The following CDH13 variants were observed in gnomAD, a reference collection of about 807,000 sequenced individuals.
The protein encoded by CDH13 is cadherin 13, also known as cadherin-13.
CDH13 carries 24 observed loss-of-function variants against 63.8 expected under a neutral mutation model. The observed-to-expected ratio is 0.38, with a 90% CI of 0.27 to 0.53. The LOEUF is 0.53. Ranked by LOEUF, CDH13 falls within the 20% of genes least tolerant of loss-of-function variation. CDH13 has a pLI of 0.85. For synonymous variants in CDH13, 503 were observed against 355.3 expected (o/e 1.42, Z -4.67); for missense variants, 1,049 against 903.1 (o/e 1.16, Z -2.07).
chr16:83,649,551 G>T (rs1056922908), intron 8 of CDH13, among the ~76,000 whole-genome samples: 1 of 152,144 alleles, frequency 6.6e-6, no homozygotes, highest in Non-Finnish European at 1.5e-5. Context: ...AAGTTGATGT[G>T]CAGGGAAGGA....
rs375394179 is a variant in CDH13, at chr16:83,158,639, C to T, written c.483+33138C>T. Among the ~76,000 whole-genome samples the T allele has an allele frequency of 5.9e-5, 9 of 152,332 alleles. No individual in the cohort carries two copies. In the East Asian group the frequency reaches 1.4e-3, roughly 23 times the overall value. On this transcript the variant is annotated intron_variant, in intron 4 of 13. Coordinates refer to ENST00000567109, the MANE Select transcript of CDH13 (RefSeq NM_001257.5). The stretch of plus-strand genomic sequence containing the variant: ...GCGTTGGGGTCATAAGGCCACAGGC[C>T]GGGGACTGCTGCAGAGCCACGTTAA...
At chr16:83,739,940 A>G (rs1202723367) in intron 10 of CDH13, 1 of 152,274 alleles carries the variant, frequency 6.6e-6, no homozygotes, top group East Asian at 1.9e-4. Flanking sequence ...AGAGCTGGCC[A>G]GGGAAGGAGG....
chr16:83,133,736 T>G (rs1190532251), intron 4 of CDH13, among the ~76,000 whole-genome samples: 1 of 152,190 alleles, frequency 6.6e-6, no homozygotes, highest in Non-Finnish European at 1.5e-5. Flanking sequence ...TGGCCTCAAG[T>G]GATCCACCTG....
chr16:83,365,962 C>A (rs2091250402), intron 6 of CDH13, among the ~76,000 whole-genome samples: 1 of 152,140 alleles, frequency 6.6e-6, no homozygotes, highest in Non-Finnish European at 1.5e-5. Flanking sequence ...CTTATGAGCC[C>A]CTAAGCAGGA....
At chr16:83,128,298 C>G (rs2035899549) in intron 4 of CDH13, among the ~76,000 whole-genome samples, 1 of 152,166 alleles carries the variant, frequency 6.6e-6, no homozygotes, top group South Asian at 2.1e-4. Context: ...GGTTGTGGAC[C>G]AGCTACATTA....
At chr16:83,009,386 A>G (rs1180647856) in intron 2 of CDH13, among the ~76,000 whole-genome samples, 2 of 152,150 alleles carry the variant, frequency 1.3e-5, no homozygotes, top group Non-Finnish European at 2.9e-5. Flanking sequence ...ACTGTGGTTG[A>G]GTTTGTTATT....
In CDH13 at chr16:83,796,922, T is replaced by G. The variant is rs1781778201; in HGVS notation, c.*1892T>G. The G allele has an allele frequency of 6.6e-6, 1 of 152,114 alleles. No homozygotes were observed. The highest frequency in any genetic ancestry group is 2.4e-5 in the African/African-American group (1 of 41,398). The allele number at this position is 152,114 out of a possible 1,614,324, so 9.4% of individuals were successfully genotyped here. On this transcript the variant is annotated 3_prime_UTR_variant, in exon 14 of 14. Transcript: ENST00000567109. ...TGTCAACAGTCCCAAGACCTGGGGA[T>G]TTTTCTCTGGAACAAATCCTGTTGC... is the stretch of plus-strand genomic sequence containing the variant.
At chr16:83,202,767 A>G (rs1395905495) in intron 4 of CDH13, among the ~76,000 whole-genome samples, 1 of 152,224 alleles carries the variant, frequency 6.6e-6, no homozygotes, top group African/African-American at 2.4e-5. Context: ...CAGGTTCATA[A>G]TGCTGATTTT....
chr16:82,721,755 A>G (rs150565639), intron 1 of CDH13, among the ~76,000 whole-genome samples: 123 of 152,310 alleles, frequency 8.1e-4, no homozygotes, highest in Admixed American at 2.1e-3. Flanking sequence ...CAAAGCCATT[A>G]GGAATTGTAG....
At chr16:82,655,838 G>C (rs564439397) in intron 1 of CDH13, among the ~76,000 whole-genome samples, 1 of 152,022 alleles carries the variant, frequency 6.6e-6, no homozygotes, top group Non-Finnish European at 1.5e-5. Context: ...AGGCAAGGTC[G>C]CCCAGATAGG....
chr16:83,613,840 A>C (rs200872012), intron 8 of CDH13, among the ~76,000 whole-genome samples: 1 of 151,878 alleles, frequency 6.6e-6, no homozygotes, highest in African/African-American at 2.4e-5. Context: ...CTCAAAAAAA[A>C]TTTTTTTTAA....
In CDH13 at chr16:83,243,385, C is replaced by A. The variant is rs148752270; in HGVS notation, c.636+25888C>A. 7.9e-5 allele frequency among the ~76,000 whole-genome samples: 12 copies of A among 152,246 alleles called. No homozygotes were observed. In the East Asian group the frequency reaches 2.1e-3, roughly 27 times the overall value. Reference sequence around the variant, plus strand: ...GAGAGAACTTGTGCAGGAAATTTCCCTTTATAAAAGCATCAGATCTCATGA... The same window carrying A: ...GAGAGAACTTGTGCAGGAAATTTCCATTTATAAAAGCATCAGATCTCATGA... On this transcript the variant is annotated intron_variant, in intron 5 of 13. Coordinates refer to ENST00000567109, the MANE Select transcript of CDH13 (RefSeq NM_001257.5).
At position 83,137,930 on chromosome 16, in the gene CDH13, T is replaced by C. The variant is rs138040006; in HGVS notation, c.483+12429T>C. On this transcript the variant is annotated intron_variant, in intron 4 of 13. Transcript: ENST00000567109. ...AACTTCTTTTATTTTCTTTTCCGGC[T>C]TGGAGCTAGCTCTGGTTCCCAAATA... Among the ~76,000 whole-genome samples, 1,300 of 152,162 alleles carry C rather than the reference T, an allele frequency of 8.5e-3. 16 individuals are homozygous for C. Among genetic ancestry groups the C allele is most frequent in the African/African-American group, 0.027 (1,109 of 41,522 alleles).
intron 8 of CDH13, among the ~76,000 whole-genome samples, chr16:83,648,149 G>T (rs1011608035): frequency 4.6e-5 from 7 of 152,230 alleles, no homozygotes; most frequent in African/African-American, 1.7e-4. Context: ...GCCATACCTT[G>T]GAAGGACCAA....
At chr16:83,443,537 G>A (rs570984816) in intron 6 of CDH13, among the ~76,000 whole-genome samples, 159 of 151,926 alleles carry the variant, frequency 1.0e-3, no homozygotes, top group Non-Finnish European at 1.8e-3. Context: ...AGGAATTCAA[G>A]ATTATCATGT....
intron 7 of CDH13, among the ~76,000 whole-genome samples, chr16:83,527,250 C>A (rs758640712): frequency 5.9e-5 from 9 of 151,992 alleles, no homozygotes; most frequent in Non-Finnish European, 1.2e-4. Flanking sequence ...GAGATGGAGA[C>A]CATCCTAGCC....
chr16:83,764,659 CCT>C lies in CDH13; in HGVS notation c.1682-15308_1682-15307del, dbSNP rs1185610534. 5.1e-4 allele frequency among the ~76,000 whole-genome samples: 77 copies of C among 150,826 alleles called. 1 individual carries two copies. The highest frequency in any genetic ancestry group is 4.0e-3 in the Admixed American group (61 of 15,070). ...TGAAGTCAGCCCTTTACTCTTGCATCCTGCCTGCCTTCCCTGAGGCCCTTGCC... is the reference window on the plus strand; with the variant it reads ...TGAAGTCAGCCCTTTACTCTTGCATCGCCTGCCTTCCCTGAGGCCCTTGCC... On this transcript the variant is annotated intron_variant, in intron 11 of 13. Transcript: ENST00000567109.
intron 6 of CDH13, among the ~76,000 whole-genome samples, chr16:83,444,114 T>C (rs1419855509): frequency 7.0e-6 from 1 of 143,758 alleles, no homozygotes; most frequent in Non-Finnish European, 1.6e-5. Flanking sequence ...ATGGTGAAGA[T>C]ACCAATAGCA....
intron 4 of CDH13, chr16:83,181,117 T>A: frequency 9.5e-7 from 1 of 1,056,258 alleles, no homozygotes; most frequent in Non-Finnish European, 1.3e-6. Flanking sequence ...TATTGGGTAT[T>A]TGGGATAGAA....
Sources: gnomAD v4.1 joint callset for allele counts (sites outside exome capture counted in the v4.1 genomes callset) on GRCh38, gnomAD v4.1.1 for gene constraint, MANE v1.5 for transcripts, NCBI Gene and HGNC (gene_info 2026-07-23, HGNC 2026-07-21) for gene names.